Variants in ST6GALNAC3 observed in about 807,000 individuals in gnomAD.
ST6GALNAC3 encodes ST6 N-acetylgalactosaminide alpha-2,6-sialyltransferase 3.
ST6GALNAC3 carries 25 observed loss-of-function variants against 32.7 expected under a neutral mutation model. The observed-to-expected ratio is 0.76, with a 90% CI of 0.56 to 1.07. The LOEUF (loss-of-function observed/expected upper bound fraction) is 1.07. ST6GALNAC3 is among the 50% of genes least tolerant of loss of function. ST6GALNAC3 has a pLI of 0.00. For missense variants in ST6GALNAC3, 355 were observed against 382.4 expected, an observed-to-expected ratio of 0.93 and a Z score of 0.60; for synonymous variants, 129 against 133.1, an observed-to-expected ratio of 0.97 and a Z score of 0.21.
At chr1:76,149,986 G>A (rs1049285403) in intron 1 of ST6GALNAC3, among the ~76,000 whole-genome samples, 3 of 152,226 alleles carry the variant, frequency 2.0e-5, no homozygotes, top group Non-Finnish European at 2.9e-5. Context: ...CCTCCTAGGA[G>A]GGACATGGTG....
intron 2 of ST6GALNAC3, among the ~76,000 whole-genome samples, chr1:76,326,540 C>A (rs1247046266): frequency 6.6e-6 from 1 of 151,566 alleles, no homozygotes; most frequent in Admixed American, 6.6e-5. Context: ...GAACAATTGC[C>A]TTTTCTACTA....
intron 3 of ST6GALNAC3, among the ~76,000 whole-genome samples, chr1:76,518,113 AACTT>A (rs1662282638): frequency 2.0e-5 from 3 of 151,950 alleles, no homozygotes. Context: ...TACAACAGTG[AACTT>A]GTTTATTTCT....
intron 2 of ST6GALNAC3, among the ~76,000 whole-genome samples, chr1:76,329,313 C>T (rs1057372194): frequency 2.6e-5 from 4 of 152,152 alleles, no homozygotes; most frequent in African/African-American, 7.2e-5. Flanking sequence ...CTCCTCTTTT[C>T]AATGCATCCT....
At chr1:76,393,272 C>T (rs900519337) in intron 2 of ST6GALNAC3, among the ~76,000 whole-genome samples, 2 of 152,148 alleles carry the variant, frequency 1.3e-5, no homozygotes, top group African/African-American at 4.8e-5. Flanking sequence ...ATCTTTAAGG[C>T]CGTGGCTGTC....
At chr1:76,178,677 G>C (rs527951955) in intron 1 of ST6GALNAC3, among the ~76,000 whole-genome samples, 60 of 152,226 alleles carry the variant, frequency 3.9e-4, no homozygotes, top group African/African-American at 1.3e-3. Flanking sequence ...AAAGACAGAG[G>C]GAGAAAGAGG....
At chr1:76,383,895 A>G (rs1054531582) in intron 2 of ST6GALNAC3, among the ~76,000 whole-genome samples, 6 of 152,202 alleles carry the variant, frequency 3.9e-5, no homozygotes, top group Non-Finnish European at 8.8e-5. Flanking sequence ...TAAAAAGAAT[A>G]ACAAAAGAAT....
At chr1:76,417,854 T>G (rs1022981829) in intron 3 of ST6GALNAC3, among the ~76,000 whole-genome samples, 11 of 152,122 alleles carry the variant, frequency 7.2e-5, no homozygotes, top group Non-Finnish European at 1.6e-4. Context: ...TAATGAAAGC[T>G]AGCAGCAAAT....
intron 3 of ST6GALNAC3, among the ~76,000 whole-genome samples, chr1:76,463,293 C>T (rs1005823693): frequency 6.6e-6 from 1 of 152,144 alleles, no homozygotes; most frequent in African/African-American, 2.4e-5. Flanking sequence ...ACATTTATAT[C>T]AGTCAGTGGC....
intron 1 of ST6GALNAC3, among the ~76,000 whole-genome samples, chr1:76,103,186 T>G (rs1366703137): frequency 6.6e-6 from 1 of 151,828 alleles, no homozygotes; most frequent in East Asian, 1.9e-4. Context: ...CATTTCCTGC[T>G]TGGGGTTTCT....
At chr1:76,514,925 T>A (rs1662083768) in intron 3 of ST6GALNAC3, among the ~76,000 whole-genome samples, 1 of 152,182 alleles carries the variant, frequency 6.6e-6, no homozygotes, top group Admixed American at 6.5e-5. Context: ...GCTAGTTTCA[T>A]GTTGAGAATT....
intron 1 of ST6GALNAC3, among the ~76,000 whole-genome samples, chr1:76,303,467 C>T (rs931360818): frequency 2.0e-5 from 3 of 152,020 alleles, no homozygotes; most frequent in African/African-American, 7.2e-5. Flanking sequence ...ATTCTCTTGC[C>T]TCATTAGTGT....
intron 2 of ST6GALNAC3, among the ~76,000 whole-genome samples, chr1:76,392,108 A>G (rs901913772): frequency 6.6e-6 from 1 of 152,122 alleles, no homozygotes; most frequent in Admixed American, 6.5e-5. Flanking sequence ...CATTCACTAG[A>G]TGACGGTAGT....
intron 1 of ST6GALNAC3, among the ~76,000 whole-genome samples, chr1:76,299,039 A>G (rs1286441590): frequency 6.6e-6 from 1 of 152,098 alleles, no homozygotes; most frequent in Admixed American, 6.6e-5. Context: ...GCAGAATACC[A>G]TCTAAAAATA....
chr1:76,621,651 C>G (rs907609422), intron 3 of ST6GALNAC3, among the ~76,000 whole-genome samples: 3 of 151,972 alleles, frequency 2.0e-5, no homozygotes, highest in African/African-American at 7.2e-5. Flanking sequence ...TAGACTGGTT[C>G]ACAATATTAG....
At chr1:76,425,079 G>T (rs1224175880) in intron 3 of ST6GALNAC3, among the ~76,000 whole-genome samples, 2 of 151,958 alleles carry the variant, frequency 1.3e-5, no homozygotes, top group Non-Finnish European at 2.9e-5. Flanking sequence ...ATTTTGTCAA[G>T]TCATGTAAAT....
chr1:76,376,176 T>C (rs1651212260), intron 2 of ST6GALNAC3, among the ~76,000 whole-genome samples: 1 of 151,932 alleles, frequency 6.6e-6, no homozygotes, highest in South Asian at 2.1e-4. Flanking sequence ...TAAGAAATAA[T>C]ACAAAGAGAT....
chr1:76,537,645 A>G (rs1557544650), intron 3 of ST6GALNAC3, among the ~76,000 whole-genome samples: 1 of 152,202 alleles, frequency 6.6e-6, no homozygotes, highest in Non-Finnish European at 1.5e-5. Context: ...TTACATTTCC[A>G]TATAAAAGCG....
At chr1:76,625,432 T>C (rs191594328) in intron 3 of ST6GALNAC3, among the ~76,000 whole-genome samples, 57 of 150,440 alleles carry the variant, frequency 3.8e-4, no homozygotes, top group African/African-American at 1.3e-3. Flanking sequence ...TAATGAAGAA[T>C]AGACAAGATA....
intron 1 of ST6GALNAC3, among the ~76,000 whole-genome samples, chr1:76,261,734 C>T (rs1658248632): frequency 1.3e-5 from 2 of 152,214 alleles, no homozygotes; most frequent in South Asian, 4.1e-4. Context: ...AACATCCTCT[C>T]ACTGGAGCTT....
Sources: allele counts gnomAD v4.1 joint callset (sites outside exome capture counted in the v4.1 genomes callset), GRCh38; gene constraint gnomAD v4.1.1; transcripts MANE v1.5; gene names NCBI Gene and HGNC (gene_info 2026-07-23, HGNC 2026-07-21).